AANAT: variants seen among roughly 807,000 people sequenced by gnomAD.
The protein encoded by AANAT is aralkylamine N-acetyltransferase.
A neutral mutation model predicts 15.6 loss-of-function variants in AANAT; 11 were observed. That is an observed-to-expected ratio of 0.71 (90% CI 0.44 to 1.17). The LOEUF (loss-of-function observed/expected upper bound fraction) is 1.17, where lower values mean the gene tolerates loss of function less well. AANAT is among the 50% of genes most tolerant of loss of function. The pLI is 0.00. For missense variants in AANAT, 286 were observed against 296.3 expected (o/e 0.97, Z 0.26); for synonymous variants, 139 against 131.5 (o/e 1.06, Z -0.39).
chr17:76,466,505 AAG>A (rs2073439592), upstream of AANAT, among the ~76,000 whole-genome samples: 1 of 152,128 alleles, frequency 6.6e-6, no homozygotes, highest in African/African-American at 2.4e-5. Context: ...GGGGGGTCGA[AAG>A]AGTGCACCTG....
At chr17:76,464,294 A>G (rs902638484), upstream of AANAT, among the ~76,000 whole-genome samples, 1 of 150,890 alleles carries the variant, frequency 6.6e-6, no homozygotes, top group Non-Finnish European at 1.5e-5. Context: ...GTGAGCCGAG[A>G]TTGTGCCATT....
At chr17:76,467,580 A>G (rs72466441), upstream of AANAT, 12,951 of 985,436 alleles carry the variant, frequency 0.013, 93 homozygotes, top group Non-Finnish European at 0.014. Context: ...ACAAACCTCT[A>G]ACAGCACCAC....
At chr17:76,459,364 T>G (rs573078643) in exon 2 of AANAT, 1 of 152,386 alleles carries the variant, frequency 6.6e-6, no homozygotes, top group Admixed American at 6.5e-5. Flanking sequence ...TGACCAGCCA[T>G]AGGTACAAAG....
Position 76,460,130 on chromosome 17 carries a change from A to ATTTTTTTTTTTTTTTT in AANAT, c.-456+785_-456+800dup, listed in dbSNP as rs556197358. Among the ~76,000 whole-genome samples, 12 of 88,000 alleles carry ATTTTTTTTTTTTTTTT rather than the reference A, an allele frequency of 1.4e-4. 1 individual carries two copies. Among genetic ancestry groups the ATTTTTTTTTTTTTTTT allele is most frequent in the East Asian group, 4.4e-4 (1 of 2,278 alleles). 57.7% of individuals were successfully genotyped at this position (88,000 alleles called of 152,430 possible). ...CAGCCTCAGTCACCTACTTCAGGAA[A>ATTTTTTTTTTTTTTTT]TTTTTTTTTTTTTTTTTTTTTTTTT... On this transcript the variant is annotated intron_variant, in intron 2 of 6. Transcript: ENST00000250615.
chr17:76,466,113 C>A, upstream of AANAT: 1 of 1,429,320 alleles, frequency 7.0e-7, no homozygotes, highest in African/African-American at 1.4e-5. Flanking sequence ...GCCGATTGAA[C>A]AGCAGGCTCT....
At position 76,468,939 on chromosome 17, in the gene AANAT, T is replaced by C. The variant is rs776563188; in HGVS notation, c.163+30T>C. ...GTGGCCCCGCACAGGGTCAGAGGGA[T>C]GCTCCACTCTGGTCCAGTTATCCTG... On this transcript the variant is annotated intron_variant, in intron 2 of 3. Transcript: ENST00000392492. The C allele has an allele frequency of 6.9e-6, 11 of 1,593,832 alleles. No individual in the cohort carries two copies. The Admixed American group carries it at 1.8e-4, about 27-fold the overall frequency.
upstream of AANAT, among the ~76,000 whole-genome samples, chr17:76,466,570 C>A (rs970341187): frequency 6.6e-6 from 1 of 151,764 alleles, no homozygotes; most frequent in Non-Finnish European, 1.5e-5. Context: ...ACAGGAGTCT[C>A]ATTGTGAGAT....
intron 1 of AANAT, 71 bp downstream of exon 1, chr17:76,467,798 A>G: frequency 1.1e-6 from 1 of 908,654 alleles, no homozygotes; most frequent in Non-Finnish European, 1.3e-6. Flanking sequence ...GCTTCTAGAC[A>G]TGGAGGGAAA....
At chr17:76,465,850 A>G, upstream of AANAT, 1 of 309,456 alleles carries the variant, frequency 3.2e-6, no homozygotes, top group East Asian at 9.9e-5. Flanking sequence ...TCTTTAAAAA[A>G]AATTTATTTT....
chr17:76,465,844 T>A, upstream of AANAT: 1 of 308,116 alleles, frequency 3.2e-6, no homozygotes, highest in South Asian at 2.7e-5. Context: ...GCCTCATCTT[T>A]AAAAAAAATT....
At chr17:76,462,589 T>C (rs1328815410) in intron 3 of AANAT, 1 of 152,272 alleles carries the variant, frequency 6.6e-6, no homozygotes, top group Non-Finnish European at 1.5e-5. Flanking sequence ...CCCTCTGCCC[T>C]GCTCCATGGT....
upstream of AANAT, among the ~76,000 whole-genome samples, chr17:76,463,361 G>A (rs1471476692): frequency 7.3e-6 from 1 of 137,902 alleles, no homozygotes; most frequent in Non-Finnish European, 1.5e-5. Flanking sequence ...AAGTTGGAGT[G>A]CAGTGGTGCA....
intron 1 of AANAT, among the ~76,000 whole-genome samples, chr17:76,454,523 G>A (rs1250916597): frequency 1.3e-5 from 2 of 151,228 alleles, no homozygotes; most frequent in East Asian, 3.9e-4. Context: ...AATATAAAAA[G>A]TAACTCTAGG....
rs1194747811 is a variant in AANAT at position 76,469,317 on chromosome 17, G to T, written c.308G>T (p.Arg103Ile). The change falls in exon 3 of 4, where the codon AGA becomes ATA. Residue 103 changes from arginine (R) to isoleucine (I), a missense_variant. Physicochemically the swap from Arg to Ile is moderately conservative, Grantham distance 97. Coordinates refer to ENST00000392492, the MANE Select transcript of AANAT (RefSeq NM_001088.3). The surrounding 1 kb of genome is among the most constrained non-coding windows in gnomAD (Gnocchi z 5.2). ...FIIGSLWDKE[R>I]LMQESLTLHR... Reference sequence around the variant, plus strand: ...ATCGGCTCGCTCTGGGACAAGGAGAGACTCATGCAGGTGAGGACAGGGCTG... The same window carrying T: ...ATCGGCTCGCTCTGGGACAAGGAGATACTCATGCAGGTGAGGACAGGGCTG... 3 of 1,613,876 alleles carry T rather than the reference G, an allele frequency of 1.9e-6. No individual in the cohort carries two copies. The highest frequency in any genetic ancestry group is 2.5e-6 in the Non-Finnish European group (3 of 1,180,034).
chr17:76,469,787 G>A lies in AANAT; in HGVS notation c.441G>A (p.Leu147=), dbSNP rs536318633. 9 of 1,594,420 alleles carry A rather than the reference G, an allele frequency of 5.6e-6. No homozygotes were observed. The highest frequency in any genetic ancestry group is 6.8e-6 in the Non-Finnish European group (8 of 1,171,700). The change falls in exon 4 of 4, where the codon CTG becomes CTA. Residue 147 remains leucine, a synonymous_variant. Coordinates refer to ENST00000392492, the MANE Select transcript of AANAT (RefSeq NM_001088.3). The surrounding 1 kb of genome is among the most constrained non-coding windows in gnomAD (Gnocchi z 5.2). ...TGCTGTGGCGCTACCTGCACCACCT[G>A]GGCAGCCAGCCGGCCGTGCGCCGGG... ...PILLWRYLHH[L]GSQPAVRRAA...
intron 1 of AANAT, among the ~76,000 whole-genome samples, chr17:76,457,285 A>C (rs1002451600): frequency 6.6e-6 from 1 of 151,682 alleles, no homozygotes; most frequent in Non-Finnish European, 1.5e-5. Flanking sequence ...CAAATGATCC[A>C]CCCGCCTTGC....
chr17:76,455,650 G>A (rs1246407082), intron 1 of AANAT, among the ~76,000 whole-genome samples: 1 of 152,098 alleles, frequency 6.6e-6, no homozygotes, highest in African/African-American at 2.4e-5. Context: ...CAGTATTTAG[G>A]TTCTTCAAAG....
Position 76,469,456 on chromosome 17 carries a change from A to G in AANAT, c.318+129A>G, listed in dbSNP as rs58495210. 2.3e-3 allele frequency: 3,147 copies of G among 1,357,820 alleles called. 63 individuals carry two copies. The African/African-American group carries it at 0.04, about 17-fold the overall frequency. The allele number at this position is 1,357,820 out of a possible 1,614,324, so 84.1% of individuals were successfully genotyped here. ...AACTGGAGAGATGAGTACAGGCCAC[A>G]GGCCCCTCCCAGAGCAAGACCTTCT... On this transcript the variant is annotated intron_variant, in intron 3 of 3. Coordinates refer to ENST00000392492, the MANE Select transcript of AANAT (RefSeq NM_001088.3). This position sits in a 1 kb window ranked among gnomAD's most constrained non-coding sequence, Gnocchi z 5.2.
At chr17:76,463,544 G>C (rs986234085), upstream of AANAT, among the ~76,000 whole-genome samples, 1 of 152,052 alleles carries the variant, frequency 6.6e-6, no homozygotes, top group African/African-American at 2.4e-5. Flanking sequence ...CTGACCTCGA[G>C]CTATCCACCC....
Sources: allele counts gnomAD v4.1 joint callset (sites outside exome capture counted in the v4.1 genomes callset), GRCh38; gene constraint gnomAD v4.1.1; non-coding constraint Gnocchi (gnomAD v3.1); transcripts MANE v1.5; gene names NCBI Gene and HGNC (gene_info 2026-07-23, HGNC 2026-07-21).